The following DPP6 variants were observed in gnomAD, a reference collection of about 807,000 sequenced individuals.
DPP6 encodes dipeptidyl peptidase like 6.
Under a neutral mutation model 122.6 loss-of-function variants are expected in DPP6, and 69 were observed. The observed-to-expected ratio is 0.56, with a 90% confidence interval of 0.46 to 0.69. The LOEUF (loss-of-function observed/expected upper bound fraction) is 0.69, where lower values mean the gene tolerates loss of function less well. DPP6 is among the 30% of genes least tolerant of loss of function. The pLI is 0.00. For missense variants in DPP6, 928 were observed against 1,116.9 expected, an observed-to-expected ratio of 0.83 and a Z score of 2.41; for synonymous variants, 418 against 433.1, an observed-to-expected ratio of 0.97 and a Z score of 0.43.
At position 154,060,368 on chromosome 7, in the gene DPP6, G is replaced by T. The variant is rs867849432; in HGVS notation, c.243+7305G>T. ...CCCGCGAGGCAGGGACTGAGAGCCA[G>T]CCCCTGGTTCCCCCACTGGCTCTTA... is the stretch of plus-strand genomic sequence containing the variant. On this transcript the variant is annotated intron_variant, in intron 1 of 25. Transcript: ENST00000377770. 1.8e-4 allele frequency among the ~76,000 whole-genome samples: 20 copies of T among 109,200 alleles called. 1 individual carries two copies. Among genetic ancestry groups the T allele is most frequent in the South Asian group, 3.2e-4 (1 of 3,166 alleles). The allele number at this position is 109,200 out of a possible 152,430, so 71.6% of individuals were successfully genotyped here. A position where few individuals can be genotyped will look rare whatever the true frequency, so the allele number is the denominator to read the frequency against.
chr7:154,644,102 C>G (rs998897126), intron 6 of DPP6, among the ~76,000 whole-genome samples: 2 of 152,068 alleles, frequency 1.3e-5, no homozygotes, highest in Non-Finnish European at 2.9e-5. Flanking sequence ...TGTTTAAAAC[C>G]CAGTAGTATT....
chr7:154,635,396 C>A (rs576614536), intron 5 of DPP6, among the ~76,000 whole-genome samples: 1 of 152,094 alleles, frequency 6.6e-6, no homozygotes, highest in Non-Finnish European at 1.5e-5. Flanking sequence ...CAGCCCCTCA[C>A]CACCTCTGTC....
chr7:153,870,860 G>A, the DPP6 span, among the ~76,000 whole-genome samples: 31 of 152,184 alleles, frequency 2.0e-4, no homozygotes, highest in East Asian at 7.7e-4. Flanking sequence ...GTTAGTTTTC[G>A]TTCTAACAGA....
At chr7:154,026,076 TTTATGTATGGTGAATGCCTGC>T (rs1227167377) in intron 1 of DPP6, among the ~76,000 whole-genome samples, 5 of 148,490 alleles carry the variant, frequency 3.4e-5, no homozygotes, top group Non-Finnish European at 7.5e-5. Context: ...AACAATGTAA[TTTATGTATGGTGAATGCCTGC>T]TTTTGCTTTG....
At chr7:154,344,770 C>T (rs1431758923) in intron 1 of DPP6, among the ~76,000 whole-genome samples, 2 of 152,212 alleles carry the variant, frequency 1.3e-5, no homozygotes, top group East Asian at 1.9e-4. Context: ...CACCTGTAGT[C>T]CCAACTACTC....
intron 1 of DPP6, among the ~76,000 whole-genome samples, chr7:154,317,106 C>A (rs1402137729): frequency 6.6e-6 from 1 of 152,190 alleles, no homozygotes; most frequent in Admixed American, 6.5e-5. Flanking sequence ...GGCTACAGGG[C>A]AGACTTTGCT....
chr7:154,327,007 G>A (rs576094691), intron 1 of DPP6, among the ~76,000 whole-genome samples: 103 of 152,302 alleles, frequency 6.8e-4, no homozygotes, highest in African/African-American at 2.3e-3. Flanking sequence ...TCTCCGGGGA[G>A]GTCACAGGAT....
In DPP6 at chr7:154,875,145, G is replaced by GA. The variant is rs1804743405; in HGVS notation, c.1884-759dup. ...AGAAAAGAAAAGAAAGAGAGAGAGA[G>GA]AAGGAAAGAAGGAGGGGAGGGAGGG... On this transcript the variant is annotated intron_variant, in intron 19 of 25. Transcript: ENST00000377770. The surrounding 1 kb of genome is among the most constrained non-coding windows in gnomAD (Gnocchi z 4.5). 6.6e-6 allele frequency among the ~76,000 whole-genome samples: 1 copy of GA among 151,546 alleles called. No individual in the cohort carries two copies. The highest frequency in any genetic ancestry group is 1.5e-5 in the Non-Finnish European group (1 of 67,890).
intron 8 of DPP6, among the ~76,000 whole-genome samples, chr7:154,741,765 A>T (rs1479430220): frequency 6.6e-6 from 1 of 152,082 alleles, no homozygotes; most frequent in Non-Finnish European, 1.5e-5. Context: ...CACCCTCATT[A>T]TTATCCACTT....
the DPP6 span, among the ~76,000 whole-genome samples, chr7:153,848,548 T>G: frequency 6.6e-6 from 1 of 152,136 alleles, no homozygotes; most frequent in African/African-American, 2.4e-5. Flanking sequence ...TAAATATGGG[T>G]CTAACTTAGT....
intron 1 of DPP6, among the ~76,000 whole-genome samples, chr7:153,902,333 C>T (rs558825766): frequency 1.3e-5 from 2 of 152,324 alleles, no homozygotes; most frequent in East Asian, 3.9e-4. Context: ...CCTCTCATAT[C>T]TTCATGATAG....
At position 154,640,080 on chromosome 7, in the gene DPP6, C is replaced by A. The variant is rs184397076; in HGVS notation, c.680+2207C>A. The stretch of plus-strand genomic sequence containing the variant: ...CAGCCTAGCCAACATGGTGAAACCC[C>A]ATCTCTACTAAAAATACAAAAATTA... On this transcript the variant is annotated intron_variant, in intron 6 of 25. Coordinates refer to ENST00000377770, the MANE Select transcript of DPP6 (RefSeq NM_130797.4). Among the ~76,000 whole-genome samples the A allele has an allele frequency of 3.3e-3, 501 of 152,156 alleles. 6 individuals carry two copies. Among genetic ancestry groups the A allele is most frequent in the African/African-American group, 0.011 (471 of 41,532 alleles).
At chr7:154,635,304 G>A (rs1835668513) in intron 5 of DPP6, among the ~76,000 whole-genome samples, 1 of 150,714 alleles carries the variant, frequency 6.6e-6, no homozygotes, top group African/African-American at 2.5e-5. Flanking sequence ...GCTCACCACT[G>A]TCACCATCTC....
At chr7:154,405,400 C>T (rs1177510664) in intron 1 of DPP6, among the ~76,000 whole-genome samples, 3 of 152,116 alleles carry the variant, frequency 2.0e-5, no homozygotes, top group African/African-American at 7.2e-5. Context: ...GTTTTTCCTT[C>T]TAGCTACACA....
At chr7:154,545,642 G>A (rs1437949087) in intron 4 of DPP6, among the ~76,000 whole-genome samples, 1 of 152,078 alleles carries the variant, frequency 6.6e-6, no homozygotes. Context: ...AAACATAATA[G>A]AGCAAAAATT....
At chr7:153,892,516 G>A (rs1391881776) in intron 1 of DPP6, among the ~76,000 whole-genome samples, 1 of 152,040 alleles carries the variant, frequency 6.6e-6, no homozygotes, top group Non-Finnish European at 1.5e-5. Context: ...GTTTTGCCAC[G>A]TTGGTCAGGC....
chr7:154,770,374 C>T (rs982173229), intron 9 of DPP6, among the ~76,000 whole-genome samples: 7 of 152,136 alleles, frequency 4.6e-5, no homozygotes, highest in African/African-American at 1.7e-4. Flanking sequence ...GAAAGACCTG[C>T]TCCCATGATT....
intron 1 of DPP6, among the ~76,000 whole-genome samples, chr7:154,022,692 C>G (rs951459772): frequency 2.0e-5 from 3 of 152,118 alleles, no homozygotes; most frequent in African/African-American, 4.8e-5. Flanking sequence ...TGAATTGCAC[C>G]TCCAGTTCAT....
intron 1 of DPP6, among the ~76,000 whole-genome samples, chr7:154,221,554 T>G (rs1800307360): frequency 6.6e-6 from 1 of 152,202 alleles, no homozygotes; most frequent in South Asian, 2.1e-4. Flanking sequence ...TCTTCTTCCT[T>G]TATTACTTCT....
Sources: allele counts gnomAD v4.1 joint callset (sites outside exome capture counted in the v4.1 genomes callset), GRCh38; gene constraint gnomAD v4.1.1; non-coding constraint Gnocchi (gnomAD v3.1); transcripts MANE v1.5; gene names NCBI Gene and HGNC (gene_info 2026-07-23, HGNC 2026-07-21).